METAP1D: variants seen among roughly 807,000 people sequenced by gnomAD.
The protein encoded by METAP1D is methionyl aminopeptidase type 1D, mitochondrial.
In METAP1D, 31 loss-of-function variants were observed where a neutral mutation model predicts 40.5. The ratio of observed to expected loss-of-function variants is 0.77; its 90% CI spans 0.58 to 1.03. The LOEUF (loss-of-function observed/expected upper bound fraction) is 1.03, where lower values mean the gene tolerates loss of function less well. Among genes scored for constraint, METAP1D ranks in the 50% least tolerant of loss-of-function variants. METAP1D has a pLI of 0.00. For missense variants in METAP1D, 411 were observed against 420.7 expected (o/e 0.98, Z 0.20); for synonymous variants, 151 against 146.4 (o/e 1.03, Z -0.22).
intron 1 of METAP1D, among the ~76,000 whole-genome samples, chr2:172,024,726 C>A (rs935184317): frequency 6.7e-6 from 1 of 149,400 alleles, no homozygotes; most frequent in African/African-American, 2.5e-5. Flanking sequence ...CTGATAAAGC[C>A]TCCTTTTTAA....
chr2:172,036,145 G>A (rs12692980), intron 1 of METAP1D, among the ~76,000 whole-genome samples: 67,589 of 150,394 alleles, frequency 0.45, 16,343 homozygotes, highest in Middle Eastern at 0.56. Context: ...GTGAAACCCC[G>A]TCTCTACTAA....
At chr2:172,027,984 G>A (rs1689156160) in intron 1 of METAP1D, among the ~76,000 whole-genome samples, 2 of 152,238 alleles carry the variant, frequency 1.3e-5, no homozygotes, top group African/African-American at 4.8e-5. Context: ...GATTTGGTGA[G>A]GGATTAAATG....
chr2:172,011,018 G>C (rs560443895), intron 1 of METAP1D, among the ~76,000 whole-genome samples: 4 of 152,060 alleles, frequency 2.6e-5, no homozygotes, highest in Non-Finnish European at 4.4e-5. Context: ...GTCTCCCATA[G>C]TGCTGGGATT....
rs557377620 is a variant in METAP1D, at chr2:172,031,853, G to A, written c.41-29645G>A. ...TACGTCGTTGACTTTTCAGCCATGG[G>A]AATAACCAGTTGCTTCATTGTGTGT... is the stretch of plus-strand genomic sequence containing the variant. On this transcript the variant is annotated intron_variant, in intron 1 of 9. Transcript: ENST00000315796. 9.2e-5 allele frequency among the ~76,000 whole-genome samples: 14 copies of A among 152,282 alleles called. No individual in the cohort carries two copies. The East Asian group carries it at 2.5e-3, about 27-fold the overall frequency.
At chr2:172,022,832 G>C (rs1396331449) in intron 1 of METAP1D, among the ~76,000 whole-genome samples, 1 of 151,916 alleles carries the variant, frequency 6.6e-6, no homozygotes, top group South Asian at 2.1e-4. Flanking sequence ...TGTATTTATG[G>C]TTCTTTTTCT....
chr2:172,077,394 A>G (rs1194728371), intron 6 of METAP1D, among the ~76,000 whole-genome samples: 1 of 152,246 alleles, frequency 6.6e-6, no homozygotes, highest in Non-Finnish European at 1.5e-5. Flanking sequence ...GGAGTAATTT[A>G]TAGTCTTTTT....
intron 1 of METAP1D, among the ~76,000 whole-genome samples, chr2:172,039,873 C>T (rs1370127962): frequency 1.3e-5 from 2 of 152,078 alleles, no homozygotes; most frequent in South Asian, 2.1e-4. Context: ...GGCGGGATTT[C>T]GCCATGTTGG....
At chr2:172,035,225 C>A (rs1305030880) in intron 1 of METAP1D, among the ~76,000 whole-genome samples, 2 of 151,936 alleles carry the variant, frequency 1.3e-5, no homozygotes, top group Admixed American at 1.3e-4. Context: ...AGTGCAGTGG[C>A]CCGATCTCAG....
intron 1 of METAP1D, among the ~76,000 whole-genome samples, chr2:172,011,461 T>G (rs1420413921): frequency 6.6e-6 from 1 of 152,066 alleles, no homozygotes; most frequent in Non-Finnish European, 1.5e-5. Context: ...ATTTTTTGTA[T>G]TTTTAGTAGA....
rs150994726 is a variant in METAP1D at position 172,003,556 on chromosome 2, G to A, written c.40+3547G>A. Among the ~76,000 whole-genome samples the A allele has an allele frequency of 6.3e-4, 96 of 152,172 alleles. No homozygotes were observed. In the East Asian group the frequency reaches 0.017, roughly 26 times the overall value. On this transcript the variant is annotated intron_variant, in intron 1 of 9. Transcript: ENST00000315796. ...CAGGAGATCTGATAGTTTTATAAGC[G>A]TCTGGCATTTTCTCCTGCTTGCACT...
intron 1 of METAP1D, among the ~76,000 whole-genome samples, chr2:172,002,741 C>T (rs1220298732): frequency 6.6e-6 from 1 of 152,172 alleles, no homozygotes; most frequent in Non-Finnish European, 1.5e-5. Context: ...ACTCCTCTCT[C>T]CACCCTCTTC....
At chr2:172,012,942 G>C (rs1026674385) in intron 1 of METAP1D, among the ~76,000 whole-genome samples, 4 of 151,890 alleles carry the variant, frequency 2.6e-5, no homozygotes, top group Non-Finnish European at 5.9e-5. Context: ...TCTCATGTTC[G>C]GTATGTGTCA....
chr2:172,058,940 T>G (rs567687577), intron 1 of METAP1D, among the ~76,000 whole-genome samples: 8 of 152,180 alleles, frequency 5.3e-5, no homozygotes, highest in South Asian at 4.1e-4. Flanking sequence ...GTTTTCATTA[T>G]GTTTCACAGC....
Position 172,042,565 on chromosome 2 carries a change from A to G in METAP1D, c.41-18933A>G, listed in dbSNP as rs1312327785. Among the ~76,000 whole-genome samples, 2 of 52,548 alleles carry G rather than the reference A, an allele frequency of 3.8e-5. 1 individual carries two copies. The highest frequency in any genetic ancestry group is 3.3e-3 in the East Asian group (2 of 600). 34.5% of individuals were successfully genotyped at this position (52,548 alleles called of 152,430 possible). ...TATATGTGTGTATGTGTACATGTGCACATATATACATATATGTGTGTATGT... is the reference window on the plus strand; with the variant it reads ...TATATGTGTGTATGTGTACATGTGCGCATATATACATATATGTGTGTATGT... On this transcript the variant is annotated intron_variant, in intron 1 of 9. Transcript: ENST00000315796.
intron 1 of METAP1D, among the ~76,000 whole-genome samples, chr2:172,018,920 T>C (rs1335105074): frequency 6.6e-6 from 1 of 152,252 alleles, no homozygotes; most frequent in Non-Finnish European, 1.5e-5. Context: ...TATAATCTTC[T>C]GACAGTTCCT....
At chr2:172,013,822 TC>T (rs1230087662) in intron 1 of METAP1D, among the ~76,000 whole-genome samples, 5 of 99,356 alleles carry the variant, frequency 5.0e-5, no homozygotes, top group Admixed American at 2.4e-4. Flanking sequence ...ACTTTTTTTT[TC>T]TTTTTTTTTT....
chr2:172,011,705 A>T (rs1338249112), intron 1 of METAP1D, among the ~76,000 whole-genome samples: 1 of 152,286 alleles, frequency 6.6e-6, no homozygotes, highest in African/African-American at 2.4e-5. Flanking sequence ...GTTCATCCCT[A>T]TTGTGGCATG....
At chr2:172,005,545 T>TATATATATATATATATATATA in intron 1 of METAP1D, among the ~76,000 whole-genome samples, 1 of 99,556 alleles carries the variant, frequency 1.0e-5, no homozygotes, top group Admixed American at 1.1e-4. Context: ...TATATATATA[T>TATATATATATATATATATATA]CTTTTTTTTT....
chr2:172,057,630 G>T (rs1413619723), intron 1 of METAP1D, among the ~76,000 whole-genome samples: 1 of 152,146 alleles, frequency 6.6e-6, no homozygotes, highest in South Asian at 2.1e-4. Flanking sequence ...AATTTTCTGG[G>T]TATTTCCCTG....
Sources: allele counts gnomAD v4.1 joint callset (sites outside exome capture counted in the v4.1 genomes callset), GRCh38; gene constraint gnomAD v4.1.1; transcripts MANE v1.5; gene names NCBI Gene and HGNC (gene_info 2026-07-23, HGNC 2026-07-21).